LRP1B: variants seen among roughly 807,000 people sequenced by gnomAD.
The protein encoded by LRP1B is low-density lipoprotein receptor-related protein 1B.
A neutral mutation model predicts 556.6 loss-of-function variants in LRP1B; 217 were observed. The ratio of observed to expected loss-of-function variants is 0.39; its 90% CI spans 0.35 to 0.44. The LOEUF (loss-of-function observed/expected upper bound fraction) is 0.44, where lower values mean the gene tolerates loss of function less well. Ranked by LOEUF, LRP1B falls within the 20% of genes least tolerant of loss-of-function variation. LRP1B has a pLI of 1.00. For missense variants in LRP1B, 5,053 were observed against 5,620.8 expected, an observed-to-expected ratio of 0.90 and a Z score of 3.23; for synonymous variants, 2,047 against 1,865.8, an observed-to-expected ratio of 1.10 and a Z score of -2.50.
intron 3 of LRP1B, among the ~76,000 whole-genome samples, chr2:141,351,885 A>G (rs1206365614): frequency 6.6e-6 from 1 of 151,946 alleles, no homozygotes; most frequent in African/African-American, 2.4e-5. Flanking sequence ...TAGATAGGCT[A>G]TATAGTGACA....
rs1175750978 is a variant in LRP1B at position 141,593,724 on chromosome 2, C to CAAA, written c.206-113194_206-113192dup. 3.1e-5 allele frequency among the ~76,000 whole-genome samples: 4 copies of CAAA among 130,902 alleles called. 1 individual carries two copies. The highest frequency in any genetic ancestry group is 1.5e-4 in the African/African-American group (4 of 26,652). 85.9% of individuals were successfully genotyped at this position (130,902 alleles called of 152,430 possible). On this transcript the variant is annotated intron_variant, in intron 2 of 90. Transcript: ENST00000389484. ...TGGGCGACAGAGCGAGACTCCGTCTCAAAAAAAAAAAAAAAAAAAAAAAAA... is the reference window on the plus strand; with the variant it reads ...TGGGCGACAGAGCGAGACTCCGTCTCAAAAAAAAAAAAAAAAAAAAAAAAAAAA...
At chr2:140,529,970 C>T (rs1690616554) in intron 47 of LRP1B, among the ~76,000 whole-genome samples, 1 of 152,018 alleles carries the variant, frequency 6.6e-6, no homozygotes, top group Non-Finnish European at 1.5e-5. Flanking sequence ...GAAGATTTGG[C>T]ATGTTTCTTT....
chr2:140,965,373 C>G (rs1249385388), intron 18 of LRP1B, among the ~76,000 whole-genome samples: 1 of 148,798 alleles, frequency 6.7e-6, no homozygotes, highest in East Asian at 2.0e-4. Context: ...TTTTTTTCTA[C>G]TTGAAAAATG....
chr2:142,020,852 T>G (rs1310283336), intron 1 of LRP1B, among the ~76,000 whole-genome samples: 1 of 152,234 alleles, frequency 6.6e-6, no homozygotes, highest in East Asian at 1.9e-4. Flanking sequence ...ATTTGAACTC[T>G]TCTGCAAGTT....
At chr2:141,583,401 A>G (rs559072542) in intron 2 of LRP1B, among the ~76,000 whole-genome samples, 29 of 152,286 alleles carry the variant, frequency 1.9e-4, no homozygotes, top group Non-Finnish European at 3.5e-4. Context: ...GGAAAATACA[A>G]GAAGTTTTGC....
At chr2:141,030,912 T>C (rs1275974332) in intron 11 of LRP1B, among the ~76,000 whole-genome samples, 3 of 151,972 alleles carry the variant, frequency 2.0e-5, no homozygotes, top group Non-Finnish European at 4.4e-5. Context: ...GCAAAAAGTA[T>C]GAGGATACAC....
At chr2:141,554,427 A>G (rs564070112) in intron 2 of LRP1B, among the ~76,000 whole-genome samples, 7 of 150,968 alleles carry the variant, frequency 4.6e-5, no homozygotes, top group African/African-American at 1.7e-4. Flanking sequence ...ATAGATACAT[A>G]TATCTGCATA....
chr2:140,781,860 T>C (rs1220480342), intron 32 of LRP1B, among the ~76,000 whole-genome samples: 1 of 152,174 alleles, frequency 6.6e-6, no homozygotes, highest in Non-Finnish European at 1.5e-5. Context: ...ATGACATGAT[T>C]TTGTATTTAA....
chr2:141,463,553 A>G (rs1432369663), intron 3 of LRP1B, among the ~76,000 whole-genome samples: 1 of 18,470 alleles, frequency 5.4e-5, no homozygotes, highest in Non-Finnish European at 1.4e-4. Flanking sequence ...ATATAATTAT[A>G]TATAATATAT....
At chr2:140,839,246 A>T (rs1388727837) in intron 31 of LRP1B, among the ~76,000 whole-genome samples, 1 of 152,100 alleles carries the variant, frequency 6.6e-6, no homozygotes, top group Non-Finnish European at 1.5e-5. Flanking sequence ...AAAAATTATC[A>T]TGTTAAAAAA....
rs982666356 is a variant in LRP1B, at chr2:141,113,300, CA to C, written c.1014-51028del. On this transcript the variant is annotated intron_variant, in intron 7 of 90. Coordinates refer to ENST00000389484, the MANE Select transcript of LRP1B (RefSeq NM_018557.3). ...AAAAAGCTCAGTTAAAACAAACCAA[CA>C]AAAAGACTATGGGTGTTTCTTAAAT... Among the ~76,000 whole-genome samples, 167 of 152,128 alleles carry C rather than the reference CA, an allele frequency of 1.1e-3. 1 individual carries two copies. The highest frequency in any genetic ancestry group is 3.2e-4 in the Non-Finnish European group (22 of 67,962).
At chr2:141,982,710 G>C (rs1359787773) in intron 1 of LRP1B, among the ~76,000 whole-genome samples, 1 of 152,180 alleles carries the variant, frequency 6.6e-6, no homozygotes. Context: ...ACAATCATAA[G>C]AACTTGCACT....
At chr2:141,211,304 T>TAAAAAA (rs1203235856) in intron 6 of LRP1B, among the ~76,000 whole-genome samples, 18 of 147,758 alleles carry the variant, frequency 1.2e-4, no homozygotes, top group African/African-American at 3.5e-4. Flanking sequence ...TCTTTTTTTT[T>TAAAAAA]AAAAAAAAAA....
intron 2 of LRP1B, among the ~76,000 whole-genome samples, chr2:141,743,486 C>CTTTTTTTTTTTTTCTTTTTTT (rs1693787238): frequency 9.3e-6 from 1 of 108,030 alleles, no homozygotes; most frequent in African/African-American, 3.9e-5. Flanking sequence ...CTGCTTTTTT[C>CTTTTTTTTTTTTTCTTTTTTT]TTTTTTTTTT....
intron 84 of LRP1B, among the ~76,000 whole-genome samples, chr2:140,293,128 A>T (rs1476282749): frequency 6.6e-6 from 1 of 152,224 alleles, no homozygotes; most frequent in African/African-American, 2.4e-5. Flanking sequence ...CTTTGAAAGT[A>T]TCAGTGAGAG....
chr2:142,127,512 A>G (rs11888082), intron 1 of LRP1B, among the ~76,000 whole-genome samples: 24,256 of 151,828 alleles, frequency 0.16, 2,219 homozygotes, highest in African/African-American at 0.25. Flanking sequence ...GCACATTTAA[A>G]TTCTTTCTTT....
At chr2:141,486,485 T>G (rs1373999078) in intron 2 of LRP1B, among the ~76,000 whole-genome samples, 1 of 152,166 alleles carries the variant, frequency 6.6e-6, no homozygotes, top group Non-Finnish European at 1.5e-5. Context: ...TAGCATGTTT[T>G]GTGGAGAGGG....
intron 49 of LRP1B, among the ~76,000 whole-genome samples, chr2:140,520,086 C>G (rs1260657969): frequency 6.6e-6 from 1 of 152,088 alleles, no homozygotes; most frequent in African/African-American, 2.4e-5. Context: ...TATCATTTGA[C>G]CTAGTGATCC....
At chr2:141,281,516 T>C (rs1460840502) in intron 3 of LRP1B, among the ~76,000 whole-genome samples, 2 of 152,070 alleles carry the variant, frequency 1.3e-5, no homozygotes, top group East Asian at 1.9e-4. Flanking sequence ...TGAACACATA[T>C]GCTTAATGAA....
Sources: allele counts gnomAD v4.1 joint callset (sites outside exome capture counted in the v4.1 genomes callset), GRCh38; gene constraint gnomAD v4.1.1; transcripts MANE v1.5; gene names NCBI Gene and HGNC (gene_info 2026-07-23, HGNC 2026-07-21).